The following FOXP1 variants were observed in gnomAD, a reference collection of about 807,000 sequenced individuals.
The protein encoded by FOXP1 is forkhead box protein P1.
FOXP1 carries 15 observed loss-of-function variants against 98.2 expected under a neutral mutation model. The ratio of observed to expected loss-of-function variants is 0.15; its 90% CI spans 0.10 to 0.24. The LOEUF (loss-of-function observed/expected upper bound fraction) is 0.24. FOXP1 is among the 10% of genes least tolerant of loss of function. The pLI is 1.00. For synonymous variants in FOXP1, 371 were observed against 314.5 expected (o/e 1.18, Z -1.90); for missense variants, 633 against 848.5 (o/e 0.75, Z 3.15).
intron 3 of FOXP1, among the ~76,000 whole-genome samples, chr3:71,449,711 G>A (rs2086760891): frequency 6.6e-6 from 1 of 152,162 alleles, no homozygotes; most frequent in South Asian, 2.1e-4. Context: ...GAAGAAAGGG[G>A]TGCAATGTAA....
intron 6 of FOXP1, among the ~76,000 whole-genome samples, chr3:71,163,789 AAAAC>A (rs1426322102): frequency 9.9e-5 from 15 of 152,266 alleles, no homozygotes; most frequent in Admixed American, 2.6e-4. Context: ...GAGGCCAGCC[AAAAC>A]AAACAGTTTC....
chr3:71,126,405 C>T (rs542169689), intron 6 of FOXP1, among the ~76,000 whole-genome samples: 4 of 152,040 alleles, frequency 2.6e-5, no homozygotes, highest in African/African-American at 7.2e-5. Context: ...CAGAGAATGG[C>T]GTGAACCCGG....
chr3:71,382,069 C>CA (rs1391439697), intron 3 of FOXP1, among the ~76,000 whole-genome samples: 4 of 152,256 alleles, frequency 2.6e-5, no homozygotes, highest in South Asian at 2.1e-4. Context: ...TCCAAGGCTT[C>CA]AAGACCAGCC....
In FOXP1 at chr3:71,553,768, A is replaced by G. The variant is rs558851587; in HGVS notation, c.-298+27781T>C. Among the ~76,000 whole-genome samples the G allele has an allele frequency of 1.6e-4, 25 of 152,346 alleles. 2 individuals are homozygous for G. The East Asian group carries it at 3.5e-3, about 21-fold the overall frequency. On this transcript the variant is annotated intron_variant, in intron 2 of 20. Transcript: ENST00000649528. Reference sequence around the variant, plus strand: ...ACACTGATTTACAAAATAGTTTCTCAAAGTCTCAAACATTTCTAAAACCTA... The same window carrying G: ...ACACTGATTTACAAAATAGTTTCTCGAAGTCTCAAACATTTCTAAAACCTA...
At chr3:71,410,826 T>C (rs577584295) in intron 3 of FOXP1, among the ~76,000 whole-genome samples, 1 of 152,306 alleles carries the variant, frequency 6.6e-6, no homozygotes, top group African/African-American at 2.4e-5. Context: ...GCAATAAATG[T>C]CTTTTTCCCA....
At chr3:71,115,265 C>T (rs1214647622) in intron 6 of FOXP1, among the ~76,000 whole-genome samples, 1 of 151,882 alleles carries the variant, frequency 6.6e-6, no homozygotes, top group Non-Finnish European at 1.5e-5. Context: ...TAACTTACCA[C>T]ATTCCACCAA....
chr3:71,047,739 T>G (rs1037876875), intron 9 of FOXP1, among the ~76,000 whole-genome samples: 1 of 152,236 alleles, frequency 6.6e-6, no homozygotes, highest in African/African-American at 2.4e-5. Flanking sequence ...AACGACAGTC[T>G]AAGCTTCAGA....
At chr3:71,290,206 G>A (rs1301391510) in intron 5 of FOXP1, among the ~76,000 whole-genome samples, 1 of 151,996 alleles carries the variant, frequency 6.6e-6, no homozygotes, top group Non-Finnish European at 1.5e-5. Flanking sequence ...TTAGTGATGG[G>A]AGCACCACCT....
chr3:71,010,671 C>T (rs1186356678), intron 12 of FOXP1, among the ~76,000 whole-genome samples: 1 of 152,064 alleles, frequency 6.6e-6, no homozygotes, highest in Non-Finnish European at 1.5e-5. Flanking sequence ...TTTGCCTAAA[C>T]CATAAGAAAT....
intron 7 of FOXP1, among the ~76,000 whole-genome samples, chr3:71,088,472 C>T (rs1228856087): frequency 6.6e-5 from 10 of 151,276 alleles, no homozygotes; most frequent in Admixed American, 2.6e-4. Context: ...CTCTGCTGCT[C>T]ACTCTAGGTG....
chr3:71,566,222 C>CT (rs561873624), intron 2 of FOXP1, among the ~76,000 whole-genome samples: 27 of 152,346 alleles, frequency 1.8e-4, no homozygotes, highest in Admixed American at 2.0e-4. Flanking sequence ...TGTGAGGTCC[C>CT]TCTTCCCAAC....
chr3:71,514,109 C>T (rs1192073959), intron 2 of FOXP1, among the ~76,000 whole-genome samples: 1 of 152,070 alleles, frequency 6.6e-6, no homozygotes, highest in Admixed American at 6.5e-5. Context: ...ATGGTATGGC[C>T]CCAACTGGCT....
At chr3:71,433,783 C>A (rs1452528742) in intron 3 of FOXP1, among the ~76,000 whole-genome samples, 1 of 152,170 alleles carries the variant, frequency 6.6e-6, no homozygotes, top group African/African-American at 2.4e-5. Flanking sequence ...TCTTCCCTGA[C>A]TGGTTACCTG....
intron 6 of FOXP1, among the ~76,000 whole-genome samples, chr3:71,118,371 T>G (rs139612143): frequency 6.6e-6 from 1 of 152,242 alleles, no homozygotes; most frequent in African/African-American, 2.4e-5. Flanking sequence ...CAGGTGCTTA[T>G]AGGGGCTAGG....
intron 7 of FOXP1, among the ~76,000 whole-genome samples, chr3:71,075,444 T>C (rs1456726493): frequency 6.6e-6 from 1 of 152,226 alleles, no homozygotes; most frequent in Non-Finnish European, 1.5e-5. Context: ...GACTTCTTAT[T>C]TTTTTGTGCT....
At chr3:71,561,218 G>C (rs569803264) in intron 2 of FOXP1, among the ~76,000 whole-genome samples, 2 of 151,744 alleles carry the variant, frequency 1.3e-5, no homozygotes, top group African/African-American at 4.8e-5. Flanking sequence ...CACCACGCCC[G>C]GCTCATTTTG....
intron 5 of FOXP1, among the ~76,000 whole-genome samples, chr3:71,240,144 A>G (rs2067128314): frequency 6.6e-6 from 1 of 152,276 alleles, no homozygotes; most frequent in Non-Finnish European, 1.5e-5. Context: ...CCTGCAGCAG[A>G]GTCAAACAGC....
At chr3:71,425,899 G>A (rs544393630) in intron 3 of FOXP1, among the ~76,000 whole-genome samples, 1 of 152,208 alleles carries the variant, frequency 6.6e-6, no homozygotes, top group South Asian at 2.1e-4. Context: ...TCCCAACCAT[G>A]TACACTCACC....
chr3:71,354,362 G>A (rs574341011), intron 4 of FOXP1, among the ~76,000 whole-genome samples: 2 of 152,152 alleles, frequency 1.3e-5, no homozygotes, highest in African/African-American at 2.4e-5. Flanking sequence ...AACCAGCTCT[G>A]ATTAACTTAA....
Sources: gnomAD v4.1 joint callset for allele counts (sites outside exome capture counted in the v4.1 genomes callset) on GRCh38, gnomAD v4.1.1 for gene constraint, MANE v1.5 for transcripts, NCBI Gene and HGNC (gene_info 2026-07-23, HGNC 2026-07-21) for gene names.